THRB: variants seen among roughly 807,000 people sequenced by gnomAD.
THRB encodes the protein nuclear receptor subfamily 1 group A member 2.
In THRB, 12 loss-of-function variants were observed where a neutral mutation model predicts 47.8. The observed-to-expected ratio is 0.25, with a 90% CI of 0.16 to 0.41. The LOEUF (loss-of-function observed/expected upper bound fraction) is 0.41. Ranked by LOEUF, THRB falls within the 10% of genes least tolerant of loss-of-function variation. The pLI, the probability that THRB is intolerant of heterozygous loss-of-function variation, is 1.00. For synonymous variants in THRB, 218 were observed against 212.2 expected (o/e 1.03, Z -0.24); for missense variants, 348 against 589.2 (o/e 0.59, Z 4.24).
chr3:24,364,171 G>C (rs906142393), intron 1 of THRB, among the ~76,000 whole-genome samples: 1 of 152,128 alleles, frequency 6.6e-6, no homozygotes, highest in Admixed American at 6.6e-5. Context: ...AAAAGCATAT[G>C]GTGGTAAAAA....
At chr3:24,165,825 T>C (rs2039575765) in intron 5 of THRB, among the ~76,000 whole-genome samples, 1 of 152,194 alleles carries the variant, frequency 6.6e-6, no homozygotes, top group Non-Finnish European at 1.5e-5. Context: ...GTCATTTTGG[T>C]TGACAGCTTA....
chr3:24,205,003 T>G (rs1010976252), intron 4 of THRB, among the ~76,000 whole-genome samples: 1 of 152,150 alleles, frequency 6.6e-6, no homozygotes, highest in Admixed American at 6.5e-5. Flanking sequence ...TGGGACTATA[T>G]GAAAAGACCA....
At chr3:24,332,959 C>T (rs1444814614) in intron 2 of THRB, among the ~76,000 whole-genome samples, 1 of 152,082 alleles carries the variant, frequency 6.6e-6, no homozygotes, top group African/African-American at 2.4e-5. Context: ...GTGGCGGGTG[C>T]CTATAGTCCC....
chr3:24,411,009 C>T (rs530702329), intron 1 of THRB, among the ~76,000 whole-genome samples: 142 of 151,868 alleles, frequency 9.4e-4, no homozygotes, highest in Non-Finnish European at 1.6e-3. Context: ...AGTGCTGAGT[C>T]GGCAACATTC....
intron 3 of THRB, among the ~76,000 whole-genome samples, chr3:24,274,064 T>C (rs1181822256): frequency 2.0e-5 from 3 of 152,174 alleles, no homozygotes; most frequent in Admixed American, 2.0e-4. Context: ...TTTCTTAACA[T>C]TATGCTCACC....
At chr3:24,420,379 C>T (rs1288570224) in intron 1 of THRB, among the ~76,000 whole-genome samples, 2 of 151,874 alleles carry the variant, frequency 1.3e-5, no homozygotes, top group African/African-American at 4.8e-5. Context: ...GGAATGAATG[C>T]TCTCTAATCT....
rs1229360531 is a variant in THRB at position 24,494,728 on chromosome 3, G to T, written c.-337C>A. 2 of 152,388 alleles carry T rather than the reference G, an allele frequency of 1.3e-5. No homozygotes were observed. The highest frequency in any genetic ancestry group is 2.4e-5 in the African/African-American group (1 of 41,548). 9.4% of individuals were successfully genotyped at this position (152,388 alleles called of 1,614,324 possible). ...GTTGGGTTGAGCGCCCCTGCCCGGG[G>T]AAGGTAGCCTGCGGGCTCTTGCCCC... On this transcript the variant is annotated 5_prime_UTR_variant, in exon 1 of 11. Transcript: ENST00000646209.
intron 1 of THRB, among the ~76,000 whole-genome samples, chr3:24,390,691 T>C (rs1024202297): frequency 1.3e-5 from 2 of 151,830 alleles, no homozygotes; most frequent in Admixed American, 6.6e-5. Context: ...TCAAGAGTTA[T>C]TGTAGTCAGC....
At chr3:24,143,975 A>G in intron 7 of THRB, 1 of 512,770 alleles carries the variant, frequency 2.0e-6, no homozygotes, top group Admixed American at 3.2e-5. Flanking sequence ...TGCGCACTCC[A>G]ACTCCACAGA....
intron 2 of THRB, among the ~76,000 whole-genome samples, chr3:24,304,027 T>C (rs2057150561): frequency 7.0e-6 from 1 of 143,294 alleles, no homozygotes; most frequent in African/African-American, 2.5e-5. Flanking sequence ...CTTATGTGTA[T>C]ATGTGAAATT....
chr3:24,318,269 C>A (rs1344533214), intron 2 of THRB: 1 of 152,216 alleles, frequency 6.6e-6, no homozygotes, highest in Admixed American at 6.5e-5. Context: ...CTGTACACAT[C>A]CTGGCTGTAT....
chr3:24,136,054 G>A (rs2034632424), intron 8 of THRB, among the ~76,000 whole-genome samples: 1 of 151,722 alleles, frequency 6.6e-6, no homozygotes, highest in African/African-American at 2.4e-5. Flanking sequence ...TAATACTGAT[G>A]TTAATTTTTT....
intron 5 of THRB, among the ~76,000 whole-genome samples, chr3:24,183,867 A>G (rs2042235696): frequency 6.6e-6 from 1 of 152,166 alleles, no homozygotes; most frequent in African/African-American, 2.4e-5. Flanking sequence ...TGTAAAGCAT[A>G]TGATAATAAC....
At chr3:24,251,687 C>A (rs914055425) in intron 3 of THRB, among the ~76,000 whole-genome samples, 1 of 151,860 alleles carries the variant, frequency 6.6e-6, no homozygotes, top group African/African-American at 2.4e-5. Flanking sequence ...CAAGGAACCC[C>A]CCTCCTCTCC....
At chr3:24,459,278 T>G (rs112049802) in intron 1 of THRB, 6 of 152,386 alleles carry the variant, frequency 3.9e-5, no homozygotes, top group African/African-American at 1.4e-4. Flanking sequence ...TCCATGTCCC[T>G]GCAAAGGACA....
intron 1 of THRB, among the ~76,000 whole-genome samples, chr3:24,454,082 A>T (rs1220012938): frequency 2.0e-5 from 3 of 152,258 alleles, no homozygotes; most frequent in African/African-American, 7.2e-5. Context: ...CTCTGATAAG[A>T]AACTTGTATC....
rs117206054 is a variant in THRB at position 24,243,005 on chromosome 3, T to C, written c.-42-14004A>G. On this transcript the variant is annotated intron_variant, in intron 3 of 10. Coordinates refer to ENST00000646209, the MANE Select transcript of THRB (RefSeq NM_001354712.2). Reference sequence around the variant, plus strand: ...TGCAAAGTCAAATCAGGGGGACTACTTAGTGCTCTGAAAGCTCTCATGGTC... The same window carrying C: ...TGCAAAGTCAAATCAGGGGGACTACCTAGTGCTCTGAAAGCTCTCATGGTC... Among the ~76,000 whole-genome samples the C allele has an allele frequency of 2.2e-3, 330 of 148,752 alleles. 10 individuals carry two copies. In the East Asian group the frequency reaches 0.029, roughly 13 times the overall value.
chr3:24,360,424 A>G (rs1276432638), intron 1 of THRB, among the ~76,000 whole-genome samples: 5 of 152,120 alleles, frequency 3.3e-5, no homozygotes, highest in Non-Finnish European at 7.4e-5. Context: ...CCTTCTGTAA[A>G]AAGCTGCATT....
chr3:24,140,983 A>G (rs548137364), intron 8 of THRB, among the ~76,000 whole-genome samples: 1 of 152,374 alleles, frequency 6.6e-6, no homozygotes, highest in South Asian at 2.1e-4. Context: ...TTCATTGTAG[A>G]GACAGACAGG....
Sources: gnomAD v4.1 joint callset for allele counts (sites outside exome capture counted in the v4.1 genomes callset) on GRCh38, gnomAD v4.1.1 for gene constraint, MANE v1.5 for transcripts, NCBI Gene and HGNC (gene_info 2026-07-23, HGNC 2026-07-21) for gene names.